The following ATP8B4 variants were observed in gnomAD, a reference collection of about 807,000 sequenced individuals.
The protein encoded by ATP8B4 is ATPase phospholipid transporting 8B4 (putative), also known as probable phospholipid-transporting ATPase IM.
In ATP8B4, 133 loss-of-function variants were observed where a neutral mutation model predicts 145.6. The observed-to-expected ratio is 0.91, with a 90% confidence interval of 0.79 to 1.05. The LOEUF is 1.05. ATP8B4 is among the 50% of genes least tolerant of loss of function. The pLI, the probability that ATP8B4 is intolerant of heterozygous loss-of-function variation, is 0.00. For synonymous variants in ATP8B4, 507 were observed against 492.9 expected, an observed-to-expected ratio of 1.03 and a Z score of -0.38; for missense variants, 1,458 against 1,425.2, an observed-to-expected ratio of 1.02 and a Z score of -0.37.
At chr15:49,983,360 G>A (rs74012855) in intron 10 of ATP8B4, among the ~76,000 whole-genome samples, 9,691 of 152,128 alleles carry the variant, frequency 0.064, 493 homozygotes, top group African/African-American at 0.14. Context: ...ATCCAGTTGC[G>A]AAGGTTGGAA....
intron 23 of ATP8B4, among the ~76,000 whole-genome samples, chr15:49,884,192 A>G (rs1244351431): frequency 1.3e-5 from 2 of 152,080 alleles, no homozygotes; most frequent in African/African-American, 4.8e-5. Context: ...TGAGATCACA[A>G]AGTTTGAGAA....
chr15:49,979,573 G>A, intron 12 of ATP8B4, 44 bp downstream of exon 12: 1 of 1,351,234 alleles, frequency 7.4e-7, no homozygotes, highest in Non-Finnish European at 9.8e-7. Context: ...GGAAACAAAG[G>A]TTTTGATGAA....
chr15:49,989,643 G>A (rs1422562725), intron 9 of ATP8B4, among the ~76,000 whole-genome samples: 4 of 151,870 alleles, frequency 2.6e-5, no homozygotes, highest in Non-Finnish European at 5.9e-5. Flanking sequence ...GTACTGCCTG[G>A]GTTCTTGGAG....
At chr15:49,890,713 A>G (rs1306730684) in intron 23 of ATP8B4, among the ~76,000 whole-genome samples, 1 of 152,256 alleles carries the variant, frequency 6.6e-6, no homozygotes. Context: ...AAAAAAAGCC[A>G]AAACATTTTT....
chr15:50,012,749 C>T (rs527435478), intron 6 of ATP8B4, among the ~76,000 whole-genome samples: 15 of 152,226 alleles, frequency 9.9e-5, no homozygotes, highest in African/African-American at 3.1e-4. Context: ...CTAGAGTTTA[C>T]AGAAAAAGAG....
intron 6 of ATP8B4, among the ~76,000 whole-genome samples, chr15:50,024,840 C>A (rs921953567): frequency 1.3e-5 from 2 of 152,172 alleles, no homozygotes. Context: ...CTGTCCCATA[C>A]ATGTTAATTT....
At chr15:50,025,247 A>T (rs1203843824) in intron 6 of ATP8B4, among the ~76,000 whole-genome samples, 2 of 152,182 alleles carry the variant, frequency 1.3e-5, no homozygotes, top group Non-Finnish European at 2.9e-5. Flanking sequence ...GCTTCTTCCC[A>T]TGCAGCAGGT....
Position 50,061,438 on chromosome 15 carries a change from T to C in ATP8B4, c.87+12689A>G, listed in dbSNP as rs185366538. Among the ~76,000 whole-genome samples, 10 of 152,286 alleles carry C rather than the reference T, an allele frequency of 6.6e-5. No homozygotes were observed. The East Asian group carries it at 1.9e-3, about 29-fold the overall frequency. On this transcript the variant is annotated intron_variant, in intron 3 of 27. Transcript: ENST00000284509. ...CATCATTTCCACAGGCAATAGCATA[T>C]AGGCCCTGAACGGTTTCAGGAATTT... is the stretch of plus-strand genomic sequence containing the variant.
intron 17 of ATP8B4, among the ~76,000 whole-genome samples, chr15:49,921,731 C>G (rs142888938): frequency 6.6e-6 from 1 of 152,140 alleles, no homozygotes; most frequent in East Asian, 1.9e-4. Flanking sequence ...AAAGTCAATG[C>G]GTACTGCAAT....
intron 3 of ATP8B4, among the ~76,000 whole-genome samples, chr15:50,070,430 T>C (rs2053651275): frequency 6.6e-6 from 1 of 152,208 alleles, no homozygotes; most frequent in African/African-American, 2.4e-5. Flanking sequence ...AATAGGTACT[T>C]TGATTATCCC....
intron 14 of ATP8B4, among the ~76,000 whole-genome samples, chr15:49,943,041 A>G (rs980382303): frequency 1.3e-5 from 2 of 152,140 alleles, no homozygotes; most frequent in Non-Finnish European, 2.9e-5. Flanking sequence ...AAATTTTTAA[A>G]AACAAATTTT....
intron 1 of ATP8B4, among the ~76,000 whole-genome samples, chr15:50,116,519 A>G (rs1368883714): frequency 6.6e-6 from 1 of 152,222 alleles, no homozygotes; most frequent in African/African-American, 2.4e-5. Flanking sequence ...TAAAGACAAA[A>G]AGACAGATTT....
chr15:50,076,138 A>G (rs895827053), intron 2 of ATP8B4, among the ~76,000 whole-genome samples: 1 of 152,198 alleles, frequency 6.6e-6, no homozygotes, highest in South Asian at 2.1e-4. Context: ...GTAGAATTCT[A>G]TAGTTCTGTA....
intron 6 of ATP8B4, among the ~76,000 whole-genome samples, chr15:50,022,223 T>A (rs2049634944): frequency 6.6e-6 from 1 of 152,188 alleles, no homozygotes; most frequent in Admixed American, 6.5e-5. Flanking sequence ...TTTCTGAGTT[T>A]TTCACATTTT....
At chr15:50,086,133 TA>T (rs1243870430) in intron 2 of ATP8B4, among the ~76,000 whole-genome samples, 1 of 102,880 alleles carries the variant, frequency 9.7e-6, no homozygotes, top group Non-Finnish European at 1.7e-5. Flanking sequence ...TTATATATAA[TA>T]AAATAGATCT....
chr15:50,052,650 G>A (rs1003314967), intron 3 of ATP8B4, among the ~76,000 whole-genome samples: 1 of 152,132 alleles, frequency 6.6e-6, no homozygotes, highest in Admixed American at 6.5e-5. Flanking sequence ...TGTCACACCA[G>A]TAGAGAACCC....
intron 1 of ATP8B4, among the ~76,000 whole-genome samples, chr15:50,174,858 C>T (rs978106283): frequency 6.6e-6 from 1 of 152,052 alleles, no homozygotes; most frequent in Non-Finnish European, 1.5e-5. Context: ...ACAAAAAGAA[C>T]AAATCTGGAG....
chr15:49,961,806 T>C (rs552140595), intron 14 of ATP8B4, among the ~76,000 whole-genome samples, 171 bp downstream of exon 14: 15 of 152,248 alleles, frequency 9.9e-5, no homozygotes, highest in African/African-American at 3.6e-4. Context: ...CTGTGGTTGG[T>C]TCAGTAATAT....
chr15:50,069,691 T>G (rs2053602729), intron 3 of ATP8B4, among the ~76,000 whole-genome samples: 1 of 152,198 alleles, frequency 6.6e-6, no homozygotes, highest in Admixed American at 6.5e-5. Flanking sequence ...GTTGGTTGAT[T>G]GTTTTTTTGT....
Sources: allele counts gnomAD v4.1 joint callset (sites outside exome capture counted in the v4.1 genomes callset), GRCh38; gene constraint gnomAD v4.1.1; transcripts MANE v1.5; gene names NCBI Gene and HGNC (gene_info 2026-07-23, HGNC 2026-07-21).